Variants in ZNF638 observed in about 807,000 individuals in gnomAD.
The protein encoded by ZNF638 is zinc finger protein 638.
Under a neutral mutation model 195.6 loss-of-function variants are expected in ZNF638, and 46 were observed. The ratio of observed to expected loss-of-function variants is 0.24; its 90% confidence interval spans 0.19 to 0.30. The LOEUF (loss-of-function observed/expected upper bound fraction) is 0.30. ZNF638 is among the 10% of genes least tolerant of loss of function. The probability of loss-of-function intolerance (pLI) is 1.00; values close to 1 mark genes in which losing one functional copy is unlikely to be tolerated. For synonymous variants in ZNF638, 845 were observed against 772.0 expected, an observed-to-expected ratio of 1.09 and a Z score of -1.57; for missense variants, 2,440 against 2,325.3, an observed-to-expected ratio of 1.05 and a Z score of -1.01.
intron 10 of ZNF638, among the ~76,000 whole-genome samples, chr2:71,383,367 A>C (rs2079568313): frequency 6.6e-6 from 1 of 152,144 alleles, no homozygotes; most frequent in South Asian, 2.1e-4. Context: ...AGAAAGGTTA[A>C]ATGAGTCAGG....
At chr2:71,363,265 G>A in intron 4 of ZNF638, 74 bp downstream of exon 4, 1 of 1,145,002 alleles carries the variant, frequency 8.7e-7, no homozygotes. Flanking sequence ...TTAAGAAAGT[G>A]ATTCTTTTGA....
At position 71,385,422 on chromosome 2, in the gene ZNF638, T is replaced by G. The variant is rs558446524; in HGVS notation, c.2377+4857T>G. On this transcript the variant is annotated intron_variant, in intron 10 of 27. Coordinates refer to ENST00000264447, the MANE Select transcript of ZNF638 (RefSeq NM_014497.5). The stretch of plus-strand genomic sequence containing the variant: ...TGGATGAATGGCTATTTTAAAAAGT[T>G]TTATATTATAAAATTTCATGTATAT... Among the ~76,000 whole-genome samples the G allele has an allele frequency of 1.1e-4, 17 of 152,308 alleles. 1 individual carries two copies. The South Asian group carries it at 3.3e-3, about 30-fold the overall frequency.
chr2:71,402,225 TA>T lies in ZNF638; in HGVS notation c.2829+142del, dbSNP rs150788856. On this transcript the variant is annotated intron_variant, in intron 16 of 27. Transcript: ENST00000264447. ...TTTCAAGCTAAGGGATTTTAAAATA[TA>T]AAACACAGATATCCTGTATTTTAGT... 2,255 of 856,700 alleles carry T rather than the reference TA, an allele frequency of 2.6e-3. 40 individuals are homozygous for T. In the African/African-American group the frequency reaches 0.036, roughly 14 times the overall value. 53.1% of individuals were successfully genotyped at this position (856,700 alleles called of 1,614,324 possible). A position where few individuals can be genotyped will look rare whatever the true frequency, so the allele number is the denominator to read the frequency against.
At chr2:71,344,116 C>T (rs904724764) in intron 1 of ZNF638, among the ~76,000 whole-genome samples, 7 of 152,110 alleles carry the variant, frequency 4.6e-5, no homozygotes, top group African/African-American at 9.7e-5. Context: ...GGCGACAGAG[C>T]GAGACTCCGT....
chr2:71,339,000 CCTTT>C (rs542436117), intron 1 of ZNF638, among the ~76,000 whole-genome samples: 4 of 152,150 alleles, frequency 2.6e-5, no homozygotes, highest in Admixed American at 6.6e-5. Context: ...TATTATTCTT[CCTTT>C]GTTTCTTTGT....
At chr2:71,372,512 A>AT (rs1239498378) in intron 8 of ZNF638, among the ~76,000 whole-genome samples, 1 of 152,160 alleles carries the variant, frequency 6.6e-6, no homozygotes, top group Non-Finnish European at 1.5e-5. Context: ...GTGGGGCCAG[A>AT]TTAGGGAGGT....
intron 1 of ZNF638, among the ~76,000 whole-genome samples, chr2:71,338,720 A>G (rs775669178): frequency 1.4e-4 from 21 of 152,200 alleles, no homozygotes; most frequent in Non-Finnish European, 2.6e-4. Context: ...CATAAATTGA[A>G]TAGTGGTTTA....
chr2:71,346,645 T>A (rs2078854749), intron 1 of ZNF638, among the ~76,000 whole-genome samples: 2 of 152,204 alleles, frequency 1.3e-5, no homozygotes, highest in Non-Finnish European at 2.9e-5. Context: ...AACCTTCAAC[T>A]GACATTAGGT....
chr2:71,348,326 G>A (rs1573027798), intron 1 of ZNF638: 2 of 857,122 alleles, frequency 2.3e-6, no homozygotes, highest in East Asian at 2.4e-4. Flanking sequence ...GGGTCTTTTA[G>A]GCTTACAGTT....
intron 21 of ZNF638, 50 bp downstream of exon 21, chr2:71,418,689 A>T: frequency 7.5e-7 from 1 of 1,334,466 alleles, no homozygotes; most frequent in Non-Finnish European, 1.0e-6. Context: ...TTAGTTTCTG[A>T]ATTTTATTGC....
chr2:71,366,515 T>C (rs1385298886), intron 6 of ZNF638, among the ~76,000 whole-genome samples: 2 of 152,286 alleles, frequency 1.3e-5, no homozygotes, highest in African/African-American at 4.8e-5. Flanking sequence ...ATCTCGTAGC[T>C]TAGGAATTCC....
intron 22 of ZNF638, 25 bp downstream of exon 22, chr2:71,424,063 C>T (rs1432254491): frequency 1.2e-6 from 2 of 1,601,402 alleles, no homozygotes; most frequent in Non-Finnish European, 1.7e-6. Flanking sequence ...AAGAATGGCA[C>T]AGTGTGTCTT....
At chr2:71,348,481 G>C (rs561085039) in intron 1 of ZNF638, 27 of 1,032,202 alleles carry the variant, frequency 2.6e-5, no homozygotes, top group Middle Eastern at 4.7e-4. Context: ...AAAAGGAGTT[G>C]TAATTACTGC....
chr2:71,376,369 T>C (rs1285326155), intron 8 of ZNF638: 1 of 151,642 alleles, frequency 6.6e-6, no homozygotes, highest in Non-Finnish European at 1.5e-5. Flanking sequence ...CTTCTTCATA[T>C]TGGAAGTATG....
In ZNF638 at chr2:71,339,660, TTTG is replaced by T. The variant is rs869284202; in HGVS notation, c.-203+7800_-203+7802del. ...CTTGCTTACCTCTGTTCCAGTGGCT[TTTG>T]TTGTTGTTGTTGTTTTATGGTGCAG... On this transcript the variant is annotated intron_variant, in intron 1 of 27. Coordinates refer to ENST00000264447, the MANE Select transcript of ZNF638 (RefSeq NM_014497.5). Among the ~76,000 whole-genome samples, 105 of 152,264 alleles carry T rather than the reference TTTG, an allele frequency of 6.9e-4. 1 individual carries two copies. The highest frequency in any genetic ancestry group is 3.4e-3 in the Middle Eastern group (1 of 294).
In ZNF638 at chr2:71,348,329, T is replaced by A. The variant is rs2078886391; in HGVS notation, c.-202-424T>A. 4.6e-6 allele frequency: 4 copies of A among 877,846 alleles called. 1 individual carries two copies. The highest frequency in any genetic ancestry group is 1.0e-4 in the South Asian group (2 of 19,282). 54.4% of individuals were successfully genotyped at this position (877,846 alleles called of 1,614,324 possible). A position where few individuals can be genotyped will look rare whatever the true frequency, so the allele number is the denominator to read the frequency against. On this transcript the variant is annotated intron_variant, in intron 1 of 27. Coordinates refer to ENST00000264447, the MANE Select transcript of ZNF638 (RefSeq NM_014497.5). ...TTTTACAAAAATGGGTCTTTTAGGC[T>A]TACAGTTCTTACTTTCATTATTTGT...
chr2:71,334,144 G>T (rs1573006937), intron 1 of ZNF638, among the ~76,000 whole-genome samples: 1 of 152,080 alleles, frequency 6.6e-6, no homozygotes, highest in South Asian at 2.1e-4. Flanking sequence ...CTTTCCCAGT[G>T]CCTGGTATGT....
chr2:71,421,555 C>A (rs534034923), intron 21 of ZNF638, among the ~76,000 whole-genome samples: 92 of 152,212 alleles, frequency 6.0e-4, no homozygotes, highest in African/African-American at 2.1e-3. Context: ...GGTAGCACAA[C>A]TTTCTTAAAT....
intron 15 of ZNF638, among the ~76,000 whole-genome samples, chr2:71,401,415 A>G (rs571313398): frequency 2.0e-5 from 3 of 152,144 alleles, no homozygotes; most frequent in African/African-American, 7.2e-5. Flanking sequence ...TTTATTATGT[A>G]TTGCCTAAGT....
Sources: gnomAD v4.1 joint callset for allele counts (sites outside exome capture counted in the v4.1 genomes callset) on GRCh38, gnomAD v4.1.1 for gene constraint, MANE v1.5 for transcripts, NCBI Gene and HGNC (gene_info 2026-07-23, HGNC 2026-07-21) for gene names.